TMA16: variants seen among roughly 807,000 people sequenced by gnomAD.
The protein encoded by TMA16 is translation machinery associated 16 homolog, also known as translation machinery-associated protein 16.
Under a neutral mutation model 27.1 loss-of-function variants are expected in TMA16, and 26 were observed. The ratio of observed to expected loss-of-function variants is 0.96; its 90% confidence interval spans 0.70 to 1.33. The LOEUF (loss-of-function observed/expected upper bound fraction) is 1.33, where lower values mean the gene tolerates loss of function less well. Among genes scored for constraint, TMA16 ranks in the 40% most tolerant of loss-of-function variants. The pLI, the probability that TMA16 is intolerant of heterozygous loss-of-function variation, is 0.00. For missense variants in TMA16, 233 were observed against 241.4 expected (o/e 0.97, Z 0.23); for synonymous variants, 71 against 81.9 (o/e 0.87, Z 0.72).
chr4:163,494,890 C>T, intron 1 of TMA16, 86 bp downstream of exon 1: 1 of 1,581,964 alleles, frequency 6.3e-7, no homozygotes, highest in Non-Finnish European at 8.6e-7. Flanking sequence ...GGTGCGGTTT[C>T]GGGAACCTAG....
intron 1 of TMA16, among the ~76,000 whole-genome samples, chr4:163,504,694 T>C (rs900510319): frequency 3.3e-5 from 5 of 152,126 alleles, no homozygotes; most frequent in Admixed American, 2.6e-4. Context: ...GATGGAGTTT[T>C]GCTATGTTGG....
intron 1 of TMA16, among the ~76,000 whole-genome samples, chr4:163,495,707 A>G (rs1737540051): frequency 6.6e-6 from 1 of 152,172 alleles, no homozygotes. Flanking sequence ...TGTGTCCACA[A>G]TGTGGCCTCT....
At chr4:163,516,910 A>C (rs746172157) in intron 5 of TMA16, among the ~76,000 whole-genome samples, 12 of 152,160 alleles carry the variant, frequency 7.9e-5, no homozygotes, top group Non-Finnish European at 7.4e-5. Context: ...CTGGCATGTT[A>C]TTTTAGTGAA....
chr4:163,495,904 A>G (rs1245451098), intron 1 of TMA16, among the ~76,000 whole-genome samples: 1 of 152,026 alleles, frequency 6.6e-6, no homozygotes, highest in Non-Finnish European at 1.5e-5. Context: ...GGGATTTCCA[A>G]CTCTTTATAG....
intron 1 of TMA16, among the ~76,000 whole-genome samples, chr4:163,495,691 C>A (rs1387126028): frequency 6.6e-6 from 1 of 152,004 alleles, no homozygotes; most frequent in East Asian, 1.9e-4. Context: ...TCAGAAGTTA[C>A]GATATTGTGT....
At chr4:163,498,920 A>G (rs979005116) in intron 1 of TMA16, among the ~76,000 whole-genome samples, 1 of 152,102 alleles carries the variant, frequency 6.6e-6, no homozygotes, top group African/African-American at 2.4e-5. Context: ...TGCCTCTCAA[A>G]AGTGTTGAGA....
intron 1 of TMA16, among the ~76,000 whole-genome samples, chr4:163,503,709 T>A (rs191702329): frequency 6.6e-6 from 1 of 152,160 alleles, no homozygotes; most frequent in Non-Finnish European, 1.5e-5. Context: ...GGTGCCAGAG[T>A]CTTTTCATAG....
intron 3 of TMA16, among the ~76,000 whole-genome samples, chr4:163,513,753 C>G (rs192823496): frequency 1.1e-4 from 17 of 152,254 alleles, no homozygotes; most frequent in African/African-American, 3.9e-4. Flanking sequence ...TTATTTTTGA[C>G]AAGCTGTCCT....
At chr4:163,499,430 G>A (rs771721886) in intron 1 of TMA16, among the ~76,000 whole-genome samples, 5 of 152,008 alleles carry the variant, frequency 3.3e-5, no homozygotes, top group Admixed American at 6.5e-5. Flanking sequence ...GATCTGTGTG[G>A]TTTCATTTTT....
intron 2 of TMA16, among the ~76,000 whole-genome samples, chr4:163,510,374 C>T (rs1268640387): frequency 6.6e-6 from 1 of 152,170 alleles, no homozygotes; most frequent in Non-Finnish European, 1.5e-5. Flanking sequence ...TGTGTATCTT[C>T]CCAGTCAGTC....
At chr4:163,499,081 A>G (rs578185237) in intron 1 of TMA16, among the ~76,000 whole-genome samples, 52 of 152,314 alleles carry the variant, frequency 3.4e-4, no homozygotes, top group Non-Finnish European at 6.2e-4. Context: ...TCTCTTTGTT[A>G]ATATTACACA....
chr4:163,510,886 A>G lies in TMA16; in HGVS notation c.117-1936A>G, dbSNP rs141762373. ...TTGACCATTGAAGAAAATATTGTCA[A>G]CCTCTGCTGTTAGGAATAAAGTTCA... On this transcript the variant is annotated intron_variant, in intron 2 of 6. Transcript: ENST00000358572. Among the ~76,000 whole-genome samples, 542 of 152,250 alleles carry G rather than the reference A, an allele frequency of 3.6e-3. 5 individuals carry two copies. Among genetic ancestry groups the G allele is most frequent in the African/African-American group, 0.012 (515 of 41,542 alleles).
intron 1 of TMA16, among the ~76,000 whole-genome samples, chr4:163,498,383 G>A (rs1737594169): frequency 1.3e-5 from 2 of 150,912 alleles, no homozygotes; most frequent in African/African-American, 2.4e-5. Context: ...TGCCTCCCGG[G>A]TTCACGCCAT....
rs1737951486 is a variant in TMA16 at position 163,520,248 on chromosome 4, T to G, written c.*734T>G. Reference sequence around the variant, plus strand: ...AGTTGAAGATTAGGGAACCAGTGATTTTAATTATGCTACTTTTTCTTCTAA... The same window carrying G: ...AGTTGAAGATTAGGGAACCAGTGATGTTAATTATGCTACTTTTTCTTCTAA... On this transcript the variant is annotated 3_prime_UTR_variant, in exon 7 of 7. Coordinates refer to ENST00000358572, the MANE Select transcript of TMA16 (RefSeq NM_018352.3). 4.1e-6 allele frequency: 1 copy of G among 244,032 alleles called. No individual in the cohort carries two copies. Among genetic ancestry groups the G allele is most frequent in the East Asian group, 9.3e-5 (1 of 10,796 alleles). The allele number at this position is 244,032 out of a possible 1,614,324, so 15.1% of individuals were successfully genotyped here.
intron 3 of TMA16, 83 bp from the exon 4 acceptor site, chr4:163,513,991 T>G: frequency 9.1e-7 from 1 of 1,096,346 alleles, no homozygotes; most frequent in Non-Finnish European, 1.3e-6. Flanking sequence ...TTTAAACACG[T>G]TAATGTTGAA....
At chr4:163,512,962 A>T in intron 3 of TMA16, 103 bp downstream of exon 3, 1 of 848,070 alleles carries the variant, frequency 1.2e-6, no homozygotes, top group Non-Finnish European at 1.8e-6. Context: ...GTTTTTATCA[A>T]AGTGAATTTG....
chr4:163,496,820 A>G (rs1737560319), intron 1 of TMA16, among the ~76,000 whole-genome samples: 1 of 123,646 alleles, frequency 8.1e-6, no homozygotes, highest in African/African-American at 2.9e-5. Flanking sequence ...CTGGTCTCGA[A>G]CCCCTGACCT....
At chr4:163,509,605 C>T (rs1207560038) in intron 2 of TMA16, among the ~76,000 whole-genome samples, 1 of 152,162 alleles carries the variant, frequency 6.6e-6, no homozygotes, top group East Asian at 1.9e-4. Context: ...AGCTTCCTCA[C>T]ATGGCTGTTG....
intron 2 of TMA16, chr4:163,512,530 T>C (rs1480657955): frequency 1.5e-5 from 4 of 264,122 alleles, no homozygotes; most frequent in Non-Finnish European, 2.2e-5. Context: ...ACAGAACCCA[T>C]CTGAATGTTC....
Sources: allele counts gnomAD v4.1 joint callset (sites outside exome capture counted in the v4.1 genomes callset), GRCh38; gene constraint gnomAD v4.1.1; transcripts MANE v1.5; gene names NCBI Gene and HGNC (gene_info 2026-07-23, HGNC 2026-07-21).